The following PRKD1 variants were observed in gnomAD, a reference collection of about 807,000 sequenced individuals.
PRKD1 encodes protein kinase D1, also known as serine/threonine-protein kinase D1.
PRKD1 carries 63 observed loss-of-function variants against 95.9 expected under a neutral mutation model. The observed-to-expected ratio is 0.66, with a 90% confidence interval of 0.54 to 0.81. The LOEUF (loss-of-function observed/expected upper bound fraction) is 0.81. Among genes scored for constraint, PRKD1 ranks in the 30% least tolerant of loss-of-function variants. PRKD1 has a pLI of 0.00. For missense variants in PRKD1, 1,048 were observed against 1,165.3 expected (o/e 0.90, Z 1.47); for synonymous variants, 425 against 423.1 (o/e 1.00, Z -0.05).
intron 1 of PRKD1, among the ~76,000 whole-genome samples, chr14:29,780,214 G>A (rs1459652947): frequency 6.6e-6 from 1 of 152,150 alleles, no homozygotes; most frequent in Non-Finnish European, 1.5e-5. Flanking sequence ...ATACCATTCA[G>A]GACATAGGCA....
intron 1 of PRKD1, among the ~76,000 whole-genome samples, chr14:29,793,811 A>G (rs1348612464): frequency 6.6e-6 from 1 of 152,072 alleles, no homozygotes; most frequent in Non-Finnish European, 1.5e-5. Context: ...TCTTAAACAT[A>G]TACTATTATT....
intron 4 of PRKD1, among the ~76,000 whole-genome samples, chr14:29,659,088 AC>A (rs1366307907): frequency 1.3e-5 from 2 of 152,146 alleles, no homozygotes; most frequent in African/African-American, 2.4e-5. Flanking sequence ...ATGTGCATAA[AC>A]CCATGTAACC....
intron 13 of PRKD1, among the ~76,000 whole-genome samples, chr14:29,619,774 G>C (rs2139075460): frequency 6.6e-6 from 1 of 152,212 alleles, no homozygotes; most frequent in East Asian, 1.9e-4. Flanking sequence ...CACTGTCTCA[G>C]GATACTGAAT....
intron 2 of PRKD1, among the ~76,000 whole-genome samples, chr14:29,711,135 A>T (rs1005554751): frequency 8.5e-5 from 13 of 152,178 alleles, no homozygotes; most frequent in Non-Finnish European, 1.0e-4. Flanking sequence ...TTGACTCAAC[A>T]GATAAACATT....
intron 1 of PRKD1, among the ~76,000 whole-genome samples, chr14:29,814,878 G>A (rs1057142952): frequency 5.3e-5 from 8 of 152,170 alleles, no homozygotes; most frequent in African/African-American, 1.9e-4. Context: ...ATATAGGAAA[G>A]AGCCAACTTG....
chr14:29,749,808 T>G, intron 1 of PRKD1, among the ~76,000 whole-genome samples: 1 of 152,134 alleles, frequency 6.6e-6, no homozygotes, highest in South Asian at 2.1e-4. Context: ...ACCCTATACC[T>G]CCAAAATCTT....
At chr14:29,924,652 C>T (rs1187071210) in intron 1 of PRKD1, among the ~76,000 whole-genome samples, 6 of 152,128 alleles carry the variant, frequency 3.9e-5, no homozygotes, top group African/African-American at 1.2e-4. Flanking sequence ...GACTTCAGCC[C>T]ACATAGTAAA....
At position 29,599,014 on chromosome 14, in the gene PRKD1, C is replaced by T. The variant is rs1354192238; in HGVS notation, c.2166+13G>A. The T allele has an allele frequency of 2.5e-6, 4 of 1,604,270 alleles. No homozygotes were observed. In the South Asian group the frequency reaches 4.4e-5, roughly 18 times the overall value. ...CCAACTGGCTTTTTGCTGAGAGAGG[C>T]TTTTATACTTGCCTGAGGAAAAGGA... On this transcript the variant is annotated intron_variant, in intron 15 of 17. Coordinates refer to ENST00000331968, the MANE Select transcript of PRKD1 (RefSeq NM_002742.3).
intron 1 of PRKD1, among the ~76,000 whole-genome samples, chr14:29,926,843 G>A (rs1466685064): frequency 6.6e-6 from 1 of 151,946 alleles, no homozygotes; most frequent in Non-Finnish European, 1.5e-5. Context: ...GGGGCACTCT[G>A]GTGCAGGAAG....
At chr14:29,854,154 C>A (rs1263244039) in intron 1 of PRKD1, among the ~76,000 whole-genome samples, 1 of 152,008 alleles carries the variant, frequency 6.6e-6, no homozygotes, top group Admixed American at 6.6e-5. Context: ...GAAAAGATAC[C>A]CAAAAATGTG....
At chr14:29,637,625 C>T (rs1333805815) in intron 6 of PRKD1, among the ~76,000 whole-genome samples, 2 of 152,182 alleles carry the variant, frequency 1.3e-5, no homozygotes, top group African/African-American at 4.8e-5. Flanking sequence ...GGACGATCGC[C>T]AAGCTTTCAA....
At chr14:29,864,341 T>C (rs992454729) in intron 1 of PRKD1, among the ~76,000 whole-genome samples, 1 of 152,078 alleles carries the variant, frequency 6.6e-6, no homozygotes, top group Non-Finnish European at 1.5e-5. Context: ...AATCATGGAA[T>C]CTCAACTTAC....
At chr14:29,688,652 C>T (rs931268998) in intron 2 of PRKD1, among the ~76,000 whole-genome samples, 21 of 152,028 alleles carry the variant, frequency 1.4e-4, no homozygotes, top group South Asian at 6.2e-4. Context: ...ATTTAAAACC[C>T]GAGGCATGAT....
intron 2 of PRKD1, among the ~76,000 whole-genome samples, chr14:29,672,903 T>C (rs570377376): frequency 3.4e-4 from 51 of 151,794 alleles, no homozygotes; most frequent in Admixed American, 3.3e-3. Context: ...AAAAAGAAAT[T>C]CTCCTCTTCA....
intron 2 of PRKD1, among the ~76,000 whole-genome samples, chr14:29,693,418 T>C (rs1884342308): frequency 6.6e-6 from 1 of 151,936 alleles, no homozygotes; most frequent in African/African-American, 2.4e-5. Context: ...TTCCACATTA[T>C]AACAAATACA....
At chr14:29,742,426 G>GT (rs1887020346) in intron 1 of PRKD1, among the ~76,000 whole-genome samples, 1 of 152,162 alleles carries the variant, frequency 6.6e-6, no homozygotes, top group South Asian at 2.1e-4. Context: ...GGTTCTATGC[G>GT]TATCTGTGAT....
chr14:29,870,244 A>G (rs992033935), intron 1 of PRKD1, among the ~76,000 whole-genome samples: 3 of 152,174 alleles, frequency 2.0e-5, no homozygotes, highest in African/African-American at 7.2e-5. Context: ...ACAGTTCAGG[A>G]GCTGCACACA....
chr14:29,850,631 T>G (rs1892273049), intron 1 of PRKD1, among the ~76,000 whole-genome samples: 1 of 151,680 alleles, frequency 6.6e-6, no homozygotes, highest in Non-Finnish European at 1.5e-5. Flanking sequence ...TGAAGCAATA[T>G]CATAAAAATG....
At chr14:29,659,679 G>A (rs567086713) in intron 4 of PRKD1, among the ~76,000 whole-genome samples, 1 of 152,168 alleles carries the variant, frequency 6.6e-6, no homozygotes, top group Non-Finnish European at 1.5e-5. Context: ...TGTAGACATA[G>A]GTCATTACAG....
Sources: allele counts gnomAD v4.1 joint callset (sites outside exome capture counted in the v4.1 genomes callset), GRCh38; gene constraint gnomAD v4.1.1; transcripts MANE v1.5; gene names NCBI Gene and HGNC (gene_info 2026-07-23, HGNC 2026-07-21).